Variants in PLCB1 observed in about 807,000 individuals in gnomAD.
PLCB1 encodes phospholipase C beta 1.
In PLCB1, 46 loss-of-function variants were observed where a neutral mutation model predicts 161.8. The observed-to-expected ratio is 0.28, with a 90% confidence interval of 0.22 to 0.36. The LOEUF is 0.36. Ranked by LOEUF, PLCB1 falls within the 10% of genes least tolerant of loss-of-function variation. The pLI is 1.00. For synonymous variants in PLCB1, 517 were observed against 503.7 expected (o/e 1.03, Z -0.35); for missense variants, 1,016 against 1,472.5 (o/e 0.69, Z 5.07).
Position 8,727,409 on chromosome 20 carries a change from C to T in PLCB1, c.1763+16C>T, listed in dbSNP as rs758051954. ...AATTTGTAGAGTATCCTTGATTTGA[C>T]GAATGACTGCAGAATGAACACAGCT... On this transcript the variant is annotated intron_variant, in intron 17 of 31. Transcript: ENST00000338037. 3.0e-6 allele frequency: 4 copies of T among 1,317,724 alleles called. No homozygotes were observed. The highest frequency in any genetic ancestry group is 4.4e-6 in the Non-Finnish European group (4 of 914,822). The allele number at this position is 1,317,724 out of a possible 1,614,324, so 81.6% of individuals were successfully genotyped here.
At chr20:8,289,158 A>T (rs531600981) in intron 2 of PLCB1, among the ~76,000 whole-genome samples, 2 of 152,288 alleles carry the variant, frequency 1.3e-5, no homozygotes, top group East Asian at 3.9e-4. Context: ...TTCACTCCTA[A>T]CAAGTGTCGT....
chr20:8,793,366 C>T (rs997960413), intron 31 of PLCB1, among the ~76,000 whole-genome samples: 4 of 152,138 alleles, frequency 2.6e-5, no homozygotes, highest in Non-Finnish European at 5.9e-5. Context: ...GAATAGAGTT[C>T]CTCCCTCAAC....
chr20:8,245,610 C>G (rs891288382), intron 2 of PLCB1, among the ~76,000 whole-genome samples: 3 of 151,856 alleles, frequency 2.0e-5, no homozygotes, highest in African/African-American at 7.2e-5. Flanking sequence ...GAGTTTGTCA[C>G]TTAGATGGTC....
chr20:8,383,060 A>G (rs574630597), intron 3 of PLCB1, among the ~76,000 whole-genome samples: 35 of 152,342 alleles, frequency 2.3e-4, no homozygotes, highest in African/African-American at 7.5e-4. Context: ...CCGTTGATCC[A>G]GAGCTGAGTT....
intron 3 of PLCB1, among the ~76,000 whole-genome samples, chr20:8,626,626 T>G (rs1160983501): frequency 1.3e-5 from 2 of 152,138 alleles, no homozygotes; most frequent in Non-Finnish European, 2.9e-5. Context: ...TCCAAATATT[T>G]TCCCACTAAA....
chr20:8,288,057 C>G (rs1175315514), intron 2 of PLCB1, among the ~76,000 whole-genome samples: 1 of 152,168 alleles, frequency 6.6e-6, no homozygotes, highest in African/African-American at 2.4e-5. Context: ...GTGTAACTGT[C>G]TATTATATTT....
chr20:8,451,171 C>G lies in PLCB1; in HGVS notation c.246+79721C>G, dbSNP rs148566535. Among the ~76,000 whole-genome samples, 944 of 152,234 alleles carry G rather than the reference C, an allele frequency of 6.2e-3. 3 individuals are homozygous for G. Among genetic ancestry groups the G allele is most frequent in the Non-Finnish European group, 1.0e-2 (678 of 68,026 alleles). On this transcript the variant is annotated intron_variant, in intron 3 of 31. Transcript: ENST00000338037. ...ATTGATTCATCACTTCCATATTCAG[C>G]TATGCCTATATATGTCCATGTCACA...
At chr20:8,264,927 C>T (rs1335152757) in intron 2 of PLCB1, among the ~76,000 whole-genome samples, 1 of 152,150 alleles carries the variant, frequency 6.6e-6, no homozygotes, top group Non-Finnish European at 1.5e-5. Flanking sequence ...AATCTGCCAA[C>T]ATGTATGGTT....
chr20:8,454,865 TAA>T (rs1374687044), intron 3 of PLCB1, among the ~76,000 whole-genome samples: 1 of 152,212 alleles, frequency 6.6e-6, no homozygotes, highest in Non-Finnish European at 1.5e-5. Flanking sequence ...TATTTTCTTC[TAA>T]AATGTATATT....
At chr20:8,287,221 A>G (rs895687847) in intron 2 of PLCB1, among the ~76,000 whole-genome samples, 10 of 152,040 alleles carry the variant, frequency 6.6e-5, no homozygotes, top group Admixed American at 3.3e-4. Flanking sequence ...GTCCATATTT[A>G]TGTTTATGTA....
chr20:8,713,888 G>A (rs920641698), intron 12 of PLCB1, among the ~76,000 whole-genome samples: 12 of 152,004 alleles, frequency 7.9e-5, no homozygotes, highest in African/African-American at 2.9e-4. Flanking sequence ...GCCTGATTTG[G>A]GGACTTCCTG....
chr20:8,861,364 T>C (rs547284974), intron 31 of PLCB1, among the ~76,000 whole-genome samples: 1 of 152,190 alleles, frequency 6.6e-6, no homozygotes, highest in Non-Finnish European at 1.5e-5. Context: ...AAGTCATTAG[T>C]TGGTGAGTTC....
chr20:8,344,494 T>A (rs982319591), intron 2 of PLCB1, among the ~76,000 whole-genome samples: 2 of 152,222 alleles, frequency 1.3e-5, no homozygotes, highest in African/African-American at 4.8e-5. Context: ...TACATCCACA[T>A]CCTTTATTAT....
intron 10 of PLCB1, among the ~76,000 whole-genome samples, chr20:8,694,898 TC>T (rs1990553281): frequency 6.6e-6 from 1 of 152,210 alleles, no homozygotes; most frequent in South Asian, 2.1e-4. Flanking sequence ...ATTATTCACT[TC>T]CTTTAGCTAT....
At chr20:8,228,234 T>G (rs1979808081) in intron 2 of PLCB1, among the ~76,000 whole-genome samples, 2 of 151,960 alleles carry the variant, frequency 1.3e-5, no homozygotes, top group African/African-American at 2.4e-5. Context: ...CCCATACAAT[T>G]TTTACCCCAG....
chr20:8,532,978 G>A (rs1185557039), intron 3 of PLCB1, among the ~76,000 whole-genome samples: 3 of 151,164 alleles, frequency 2.0e-5, no homozygotes, highest in East Asian at 2.0e-4. Context: ...TCATCATTTA[G>A]CATTAGGTAT....
chr20:8,214,903 G>T (rs1473361597), intron 2 of PLCB1, among the ~76,000 whole-genome samples: 1 of 152,026 alleles, frequency 6.6e-6, no homozygotes, highest in Non-Finnish European at 1.5e-5. Context: ...CTTGCTTGAG[G>T]TGTGGCTGTG....
At chr20:8,866,319 G>C (rs866214641) in intron 31 of PLCB1, among the ~76,000 whole-genome samples, 1 of 152,188 alleles carries the variant, frequency 6.6e-6, no homozygotes, top group Non-Finnish European at 1.5e-5. Flanking sequence ...CCTTGTTAAA[G>C]ACTTTAGACA....
chr20:8,141,090 G>A (rs1477591891), intron 1 of PLCB1, among the ~76,000 whole-genome samples: 2 of 152,054 alleles, frequency 1.3e-5, no homozygotes, highest in Non-Finnish European at 2.9e-5. Flanking sequence ...GCCACCGAAC[G>A]TGGCCAACAA....
Sources: gnomAD v4.1 joint callset for allele counts (sites outside exome capture counted in the v4.1 genomes callset) on GRCh38, gnomAD v4.1.1 for gene constraint, MANE v1.5 for transcripts, NCBI Gene and HGNC (gene_info 2026-07-23, HGNC 2026-07-21) for gene names.